AQP11: variants seen among roughly 807,000 people sequenced by gnomAD.
AQP11 encodes the protein aquaporin 11.
In AQP11, 20 loss-of-function variants were observed where a neutral mutation model predicts 21.1. The ratio of observed to expected loss-of-function variants is 0.95; its 90% CI spans 0.67 to 1.38. AQP11 has a LOEUF of 1.38. Ranked by LOEUF, AQP11 falls within the 40% of genes most tolerant of loss-of-function variation. The probability of loss-of-function intolerance (pLI) is 0.00; values close to 1 mark genes in which losing one functional copy is unlikely to be tolerated. For synonymous variants in AQP11, 167 were observed against 150.1 expected (o/e 1.11, Z -0.82); for missense variants, 339 against 340.4 (o/e 1.00, Z 0.03).
At chr11:77,608,198 C>G (rs571253417) in intron 2 of AQP11, among the ~76,000 whole-genome samples, 37 of 152,338 alleles carry the variant, frequency 2.4e-4, no homozygotes, top group Middle Eastern at 3.4e-3. Flanking sequence ...ATTTACTTTT[C>G]AGGATAGTGA....
chr11:77,591,955 G>A (rs568887593), intron 1 of AQP11, among the ~76,000 whole-genome samples: 5 of 152,092 alleles, frequency 3.3e-5, no homozygotes, highest in African/African-American at 1.2e-4. Context: ...AGACATAAAT[G>A]GAAATAAGTG....
intron 1 of AQP11, among the ~76,000 whole-genome samples, chr11:77,591,860 G>A (rs546869924): frequency 1.3e-4 from 19 of 150,066 alleles, no homozygotes; most frequent in African/African-American, 3.7e-4. Context: ...GGCGACAACA[G>A]TGAGACTCTG....
intron 2 of AQP11, among the ~76,000 whole-genome samples, chr11:77,605,073 GTCCCAGCTACTTGGGAGGCTGAGGCAA>G (rs1958836299): frequency 2.0e-5 from 3 of 152,118 alleles, no homozygotes; most frequent in Non-Finnish European, 4.4e-5. Flanking sequence ...GGCACCTGTA[GTCCCAGCTACTTGGGAGGCTGAGGCAA>G]GAGAATGGTG....
intron 1 of AQP11, among the ~76,000 whole-genome samples, chr11:77,595,348 A>G (rs1958772144): frequency 6.6e-6 from 1 of 152,190 alleles, no homozygotes; most frequent in Admixed American, 6.5e-5. Context: ...TCTCAAAAAA[A>G]GAAAAAAAGA....
chr11:77,596,613 G>A (rs1958784901), intron 1 of AQP11, among the ~76,000 whole-genome samples: 1 of 140,122 alleles, frequency 7.1e-6, no homozygotes, highest in Admixed American at 7.5e-5. Flanking sequence ...GTAATCCCAG[G>A]ACCGGGACGT....
rs941164469 is a variant in AQP11, at chr11:77,607,235, A to G, written c.737-2063A>G. Among the ~76,000 whole-genome samples, 6 of 152,224 alleles carry G rather than the reference A, an allele frequency of 3.9e-5. No individual in the cohort carries two copies. The South Asian group carries it at 1.2e-3, about 31-fold the overall frequency. On this transcript the variant is annotated intron_variant, in intron 2 of 2. Coordinates refer to ENST00000313578, the MANE Select transcript of AQP11 (RefSeq NM_173039.3). Reference sequence around the variant, plus strand: ...AATTGGCTCCAAATGAAATAAAGACATAAAGCGACACATTATATAACTCTG... The same window carrying G: ...AATTGGCTCCAAATGAAATAAAGACGTAAAGCGACACATTATATAACTCTG...
At chr11:77,598,761 C>G (rs11237235) in intron 1 of AQP11, among the ~76,000 whole-genome samples, 1,728 of 152,266 alleles carry the variant, frequency 0.011, 16 homozygotes, top group South Asian at 0.024. Context: ...GTCGCCCAGG[C>G]TGGAGCACAG....
At chr11:77,597,886 TG>T (rs1254383312) in intron 1 of AQP11, among the ~76,000 whole-genome samples, 1 of 151,954 alleles carries the variant, frequency 6.6e-6, no homozygotes, top group Non-Finnish European at 1.5e-5. Flanking sequence ...CCCGAGTAGC[TG>T]GGATCATAGG....
chr11:77,606,524 CA>C (rs992202338), intron 2 of AQP11, among the ~76,000 whole-genome samples: 1 of 151,560 alleles, frequency 6.6e-6, no homozygotes, highest in Non-Finnish European at 1.5e-5. Context: ...CTAACCCCGC[CA>C]AAAAAAAGCC....
At chr11:77,595,108 G>A (rs1348971268) in intron 1 of AQP11, among the ~76,000 whole-genome samples, 2 of 152,150 alleles carry the variant, frequency 1.3e-5, no homozygotes, top group African/African-American at 4.8e-5. Context: ...TTGGGAGGCC[G>A]AAGTGGGTGG....
At chr11:77,601,630 A>G (rs969408183) in intron 1 of AQP11, among the ~76,000 whole-genome samples, 3 of 152,184 alleles carry the variant, frequency 2.0e-5, no homozygotes, top group African/African-American at 7.2e-5. Context: ...GATTACAGGC[A>G]TGAGCCACCA....
Position 77,590,011 on chromosome 11 carries a change from C to A in AQP11, c.19C>A (p.Leu7Ile). ...CGGAGCCATGTCGCCGCTGCTGGGG[C>A]TCCGGTCCGAGCTGCAGGACACCTG... is the stretch of plus-strand genomic sequence containing the variant. MSPLLG[L>I]RSELQDTCTS... The change falls in exon 1 of 3, where the codon CTC (leucine) becomes ATC (isoleucine). Residue 7 changes from leucine to isoleucine, a missense_variant. Physicochemically the swap from Leu to Ile is conservative, Grantham distance 5. Transcript: ENST00000313578. 6.7e-7 allele frequency: 1 copy of A among 1,502,740 alleles called. No homozygotes were observed. Among genetic ancestry groups the A allele is most frequent in the South Asian group, 1.3e-5 (1 of 76,398 alleles). The allele number at this position is 1,502,740 out of a possible 1,614,324, so 93.1% of individuals were successfully genotyped here.
chr11:77,593,903 A>C (rs1044987983), intron 1 of AQP11, among the ~76,000 whole-genome samples: 3 of 152,226 alleles, frequency 2.0e-5, no homozygotes, highest in Non-Finnish European at 4.4e-5. Flanking sequence ...GTTATGATGT[A>C]TACTACAACA....
At chr11:77,600,585 T>C (rs1212082533) in intron 1 of AQP11, among the ~76,000 whole-genome samples, 1 of 152,260 alleles carries the variant, frequency 6.6e-6, no homozygotes, top group African/African-American at 2.4e-5. Context: ...CTTGTATATC[T>C]ACCTATGTTA....
chr11:77,609,954 GT>G lies in AQP11; in HGVS notation c.*580del, dbSNP rs1958867965. On this transcript the variant is annotated 3_prime_UTR_variant, in exon 3 of 3. Coordinates refer to ENST00000313578, the MANE Select transcript of AQP11 (RefSeq NM_173039.3). ...ACATTAAAATCTAATACCTAAAATAGTTTCTCTAAATAGACAATCTCACTAG... is the reference window on the plus strand; with the variant it reads ...ACATTAAAATCTAATACCTAAAATAGTTCTCTAAATAGACAATCTCACTAG... 6.6e-6 allele frequency: 1 copy of G among 152,156 alleles called. No individual in the cohort carries two copies. The highest frequency in any genetic ancestry group is 1.5e-5 in the Non-Finnish European group (1 of 68,030). 9.4% of individuals were successfully genotyped at this position (152,156 alleles called of 1,614,324 possible).
intron 1 of AQP11, among the ~76,000 whole-genome samples, chr11:77,591,725 T>G (rs1258519301): frequency 6.6e-6 from 1 of 151,888 alleles, no homozygotes; most frequent in Non-Finnish European, 1.5e-5. Flanking sequence ...CAAAAAAAAT[T>G]TAGCCAGGCA....
chr11:77,607,966 T>C (rs1474317166), intron 2 of AQP11, among the ~76,000 whole-genome samples: 1 of 152,102 alleles, frequency 6.6e-6, no homozygotes, highest in Non-Finnish European at 1.5e-5. Flanking sequence ...CTGATTTTTT[T>C]TTTTTTCATT....
intron 1 of AQP11, chr11:77,590,897 T>C: frequency 2.0e-6 from 2 of 985,424 alleles, no homozygotes; most frequent in Non-Finnish European, 2.4e-6. Flanking sequence ...AGGGATTGTT[T>C]TAATGGTAGA....
intron 1 of AQP11, among the ~76,000 whole-genome samples, chr11:77,597,905 T>C (rs561467868): frequency 6.6e-6 from 1 of 151,878 alleles, no homozygotes; most frequent in Non-Finnish European, 1.5e-5. Context: ...AGGCGCGCTG[T>C]AATTTTTGTA....
Sources: allele counts gnomAD v4.1 joint callset (sites outside exome capture counted in the v4.1 genomes callset), GRCh38; gene constraint gnomAD v4.1.1; transcripts MANE v1.5; gene names NCBI Gene and HGNC (gene_info 2026-07-23, HGNC 2026-07-21).